Variants in KMT2C observed in about 807,000 individuals in gnomAD.
KMT2C encodes the protein histone-lysine N-methyltransferase 2C.
KMT2C carries 88 observed loss-of-function variants against 507.9 expected under a neutral mutation model. The ratio of observed to expected loss-of-function variants is 0.17; its 90% CI spans 0.15 to 0.21. The LOEUF is 0.21. KMT2C is among the 10% of genes least tolerant of loss of function. The pLI is 1.00. For synonymous variants in KMT2C, 2,049 were observed against 2,080.8 expected, an observed-to-expected ratio of 0.98 and a Z score of 0.42; for missense variants, 4,954 against 5,957.8, an observed-to-expected ratio of 0.83 and a Z score of 5.55.
At chr7:152,314,360 C>T (rs1271539862) in intron 4 of KMT2C, among the ~76,000 whole-genome samples, 1 of 152,138 alleles carries the variant, frequency 6.6e-6, no homozygotes, top group Non-Finnish European at 1.5e-5. Context: ...TTAATTTTTA[C>T]ACATTCTCAT....
rs2129093418 is a variant in KMT2C at position 152,145,311 on chromosome 7, G to A, written c.14032-16C>T. 2 of 1,612,740 alleles carry A rather than the reference G, an allele frequency of 1.2e-6. No individual in the cohort carries two copies. Among genetic ancestry groups the A allele is most frequent in the Non-Finnish European group, 1.7e-6 (2 of 1,179,288 alleles). On this transcript the variant is annotated splice_polypyrimidine_tract_variant and intron_variant, in intron 53 of 58. Coordinates refer to ENST00000262189, the MANE Select transcript of KMT2C (RefSeq NM_170606.3). Reference sequence around the variant, plus strand: ...CCCCAGGAAGCTGAAAAGAAGCAAAGCAGACACAAAGTCACCCCATCTGAT... The same window carrying A: ...CCCCAGGAAGCTGAAAAGAAGCAAAACAGACACAAAGTCACCCCATCTGAT...
At chr7:152,290,284 A>G (rs1421080892) in intron 6 of KMT2C, among the ~76,000 whole-genome samples, 1 of 33,974 alleles carries the variant, frequency 2.9e-5, no homozygotes, top group African/African-American at 1.3e-4. Flanking sequence ...ATATATATAT[A>G]TATATATATA....
intron 9 of KMT2C, among the ~76,000 whole-genome samples, chr7:152,261,848 T>C (rs2095785590): frequency 6.6e-6 from 1 of 152,108 alleles, no homozygotes. Context: ...TGATAAGTCA[T>C]TCAGCAAGAG....
chr7:152,321,862 G>A (rs965305294), intron 3 of KMT2C, among the ~76,000 whole-genome samples: 4 of 151,852 alleles, frequency 2.6e-5, no homozygotes, highest in Non-Finnish European at 5.9e-5. Flanking sequence ...GTGATCTACA[G>A]ATTCAATGCA....
At chr7:152,218,983 T>C (rs906882063) in intron 23 of KMT2C, among the ~76,000 whole-genome samples, 13 of 152,044 alleles carry the variant, frequency 8.6e-5, no homozygotes, top group South Asian at 2.1e-4. Flanking sequence ...CTTTTTTTTT[T>C]TTTGGAGACA....
chr7:152,251,904 CA>C (rs775875098), intron 11 of KMT2C, 34 bp downstream of exon 11: 13 of 1,534,322 alleles, frequency 8.5e-6, no homozygotes, highest in Admixed American at 5.7e-5. Context: ...ATTACAAAAA[CA>C]AAAAATTTAA....
At chr7:152,410,983 A>C (rs2097676335) in intron 1 of KMT2C, among the ~76,000 whole-genome samples, 1 of 152,040 alleles carries the variant, frequency 6.6e-6, no homozygotes, top group African/African-American at 2.4e-5. Context: ...AGCCTGGATG[A>C]CAGAGCGAGA....
At chr7:152,435,041 T>C (rs748394264) in intron 1 of KMT2C, among the ~76,000 whole-genome samples, 14 of 151,948 alleles carry the variant, frequency 9.2e-5, no homozygotes, top group African/African-American at 2.2e-4. Flanking sequence ...AGAAGTCAAA[T>C]GGCTTCCTAA....
intron 40 of KMT2C, among the ~76,000 whole-genome samples, chr7:152,170,226 C>G (rs2092902596): frequency 6.6e-6 from 1 of 152,032 alleles, no homozygotes; most frequent in African/African-American, 2.4e-5. Flanking sequence ...TATGCTTTTC[C>G]CATTATATCA....
intron 1 of KMT2C, among the ~76,000 whole-genome samples, chr7:152,364,613 A>AAAAAAAAAAAAAG (rs2097223082): frequency 6.6e-6 from 1 of 151,194 alleles, no homozygotes; most frequent in African/African-American, 2.4e-5. Context: ...CGTCTCCAAA[A>AAAAAAAAAAAAAG]AAAAAAAGAA....
chr7:152,303,284 T>C (rs1458428040), intron 6 of KMT2C, among the ~76,000 whole-genome samples: 1 of 152,196 alleles, frequency 6.6e-6, no homozygotes, highest in Non-Finnish European at 1.5e-5. Context: ...ACAGGAATAA[T>C]ATGTCAAACC....
At chr7:152,263,610 T>C (rs1449076433) in intron 8 of KMT2C, among the ~76,000 whole-genome samples, 2 of 152,184 alleles carry the variant, frequency 1.3e-5, no homozygotes, top group African/African-American at 2.4e-5. Flanking sequence ...TAAAGCTCTC[T>C]GAGTTCCAGG....
chr7:152,413,072 A>G (rs1319885373), intron 1 of KMT2C, among the ~76,000 whole-genome samples: 2 of 148,864 alleles, frequency 1.3e-5, no homozygotes, highest in African/African-American at 4.9e-5. Flanking sequence ...CACTTCTGAG[A>G]AAAAAAACAA....
At chr7:152,204,592 TA>T (rs2094242710) in intron 25 of KMT2C, among the ~76,000 whole-genome samples, 1 of 9,242 alleles carries the variant, frequency 1.1e-4, no homozygotes, top group Admixed American at 1.5e-3. Context: ...GTGAGACCCC[TA>T]GATAGATAGA....
chr7:152,163,753 A>G lies in KMT2C; in HGVS notation c.9824T>C (p.Met3275Thr). The G allele has an allele frequency of 1.9e-6, 3 of 1,614,202 alleles. No individual in the cohort carries two copies. Among genetic ancestry groups the G allele is most frequent in the Non-Finnish European group, 8.5e-7 (1 of 1,180,030 alleles). ...YRIKQQQQCA[M>T]APPTMMPSVQ... is the part of the protein sequence containing the mutation. ...ACTGGGCATCATGGTAGGTGGGGCC[A>G]TTGCACATTGCTGCTGCTGTTTGAT... Residue 3275 changes from methionine (M) to threonine (T), a missense_variant, in exon 43 of 59, where the codon ATG becomes ACG. Coordinates refer to ENST00000262189, the MANE Select transcript of KMT2C (RefSeq NM_170606.3).
intron 1 of KMT2C, among the ~76,000 whole-genome samples, chr7:152,384,018 G>C (rs2097398065): frequency 6.6e-6 from 1 of 151,396 alleles, no homozygotes; most frequent in South Asian, 2.1e-4. Context: ...ACTCTAGAAG[G>C]AGATCCGAGA....
At chr7:152,163,960 T>A in intron 42 of KMT2C, 134 bp from the exon 43 acceptor site, 2 of 755,202 alleles carry the variant, frequency 2.6e-6, no homozygotes, top group Non-Finnish European at 4.4e-6. Context: ...TTTGCTTGGG[T>A]AACTGCAAAA....
chr7:152,139,344 GA>G, intron 56 of KMT2C, 85 bp from the exon 57 acceptor site: 5 of 1,240,912 alleles, frequency 4.0e-6, no homozygotes, highest in Non-Finnish European at 5.9e-6. Flanking sequence ...GGACTCAGTC[GA>G]AACTGAACGG....
chr7:152,239,698 C>T (rs2095349156), intron 14 of KMT2C, among the ~76,000 whole-genome samples: 1 of 151,978 alleles, frequency 6.6e-6, no homozygotes, highest in Non-Finnish European at 1.5e-5. Flanking sequence ...ATGTTTACTC[C>T]ACAAAGATAA....
Sources: allele counts gnomAD v4.1 joint callset (sites outside exome capture counted in the v4.1 genomes callset), GRCh38; gene constraint gnomAD v4.1.1; transcripts MANE v1.5; gene names NCBI Gene and HGNC (gene_info 2026-07-23, HGNC 2026-07-21).